The following HERC2 variants were observed in gnomAD, a reference collection of about 807,000 sequenced individuals.
HERC2 encodes the protein E3 ubiquitin-protein ligase HERC2.
In HERC2, 102 loss-of-function variants were observed where a neutral mutation model predicts 537.7. The ratio of observed to expected loss-of-function variants is 0.19; its 90% CI spans 0.16 to 0.22. The LOEUF (loss-of-function observed/expected upper bound fraction) is 0.22. Ranked by LOEUF, HERC2 falls within the 10% of genes least tolerant of loss-of-function variation. HERC2 has a pLI of 1.00. For missense variants in HERC2, 4,236 were observed against 6,198.2 expected, an observed-to-expected ratio of 0.68 and a Z score of 10.63; for synonymous variants, 2,224 against 2,466.2, an observed-to-expected ratio of 0.90 and a Z score of 2.91.
rs1420247523 is a variant in HERC2 at position 28,176,345 on chromosome 15, CGGGTGAGCCTG to C, written c.9686+72_9686+82del. On this transcript the variant is annotated intron_variant, in intron 63 of 92. Transcript: ENST00000261609. This position sits in a 1 kb window ranked among gnomAD's most constrained non-coding sequence, Gnocchi z 5.0. ...AAAAGAGGACACGTCACAATCACGC[CGGGTGAGCCTG>C]GGGCGAGGCCCAGGTTCCCTGCACA... The C allele has an allele frequency of 3.8e-6, 5 of 1,302,414 alleles. No individual in the cohort carries two copies. Among genetic ancestry groups the C allele is most frequent in the Non-Finnish European group, 4.4e-6 (4 of 917,596 alleles). The allele number at this position is 1,302,414 out of a possible 1,614,324, so 80.7% of individuals were successfully genotyped here. A position where few individuals can be genotyped will look rare whatever the true frequency, so the allele number is the denominator to read the frequency against.
intron 84 of HERC2, among the ~76,000 whole-genome samples, chr15:28,124,693 G>A (rs1470476277): frequency 6.6e-6 from 1 of 152,116 alleles, no homozygotes; most frequent in African/African-American, 2.4e-5. Context: ...CCAGGTAGCT[G>A]GGACTACAGG....
intron 70 of HERC2, among the ~76,000 whole-genome samples, chr15:28,149,281 C>T (rs117505242): frequency 0.014 from 2,045 of 150,930 alleles, 66 homozygotes; most frequent in East Asian, 0.092. Context: ...GTAAAATTAC[C>T]GAAAAAACAC....
At chr15:28,206,584 T>A (rs1239921429) in intron 44 of HERC2, among the ~76,000 whole-genome samples, 8 of 151,718 alleles carry the variant, frequency 5.3e-5, no homozygotes, top group South Asian at 4.2e-4. Flanking sequence ...GTGTAATCCC[T>A]GCACTTCGGG....
At chr15:28,208,639 C>G (rs2140395264) in intron 44 of HERC2, among the ~76,000 whole-genome samples, 1 of 152,286 alleles carries the variant, frequency 6.6e-6, no homozygotes, top group Middle Eastern at 3.4e-3. Context: ...AGCCCCACCA[C>G]TCATCGACAA....
intron 55 of HERC2, among the ~76,000 whole-genome samples, chr15:28,189,678 A>T (rs1033588027): frequency 6.6e-6 from 1 of 152,212 alleles, no homozygotes; most frequent in African/African-American, 2.4e-5. Context: ...AAATGTTCTC[A>T]CCACAAAAAA....
intron 88 of HERC2, 104 bp downstream of exon 88, chr15:28,116,561 G>T: frequency 1.7e-6 from 2 of 1,171,510 alleles, no homozygotes; most frequent in Non-Finnish European, 2.4e-6. Flanking sequence ...ACTAAAAGCA[G>T]ATATTCAAGA....
At chr15:28,217,609 A>C (rs1448827851) in intron 38 of HERC2, among the ~76,000 whole-genome samples, 3 of 152,214 alleles carry the variant, frequency 2.0e-5, no homozygotes, top group Admixed American at 6.5e-5. Context: ...TTTATGGATT[A>C]AACTGTGCCT....
In HERC2 at chr15:28,268,605, C is replaced by T. The variant is rs184405901; in HGVS notation, c.1458G>A (p.Leu486=). 5 of 1,613,998 alleles carry T rather than the reference C, an allele frequency of 3.1e-6. No individual in the cohort carries two copies. The Admixed American group carries it at 8.3e-5, about 27-fold the overall frequency. The change falls in exon 12 of 93, where the codon CTG becomes CTA. Residue 486 remains leucine, a synonymous_variant. Coordinates refer to ENST00000261609, the MANE Select transcript of HERC2 (RefSeq NM_004667.6). The surrounding 1 kb of genome is among the most constrained non-coding windows in gnomAD (Gnocchi z 4.7). The part of the protein sequence containing the change: ...AYNSDTLAPQ[L]VQGLASRNIV... Reference sequence around the variant, plus strand: ...TGTTTCTGGAGGCAAGGCCTTGGACCAGCTGTGGGGCCTAAAGAAGGAAAA... The same window carrying T: ...TGTTTCTGGAGGCAAGGCCTTGGACTAGCTGTGGGGCCTAAAGAAGGAAAA...
chr15:28,308,087 A>G (rs191271844), intron 2 of HERC2, among the ~76,000 whole-genome samples: 1 of 152,006 alleles, frequency 6.6e-6, no homozygotes, highest in East Asian at 1.9e-4. Flanking sequence ...TGTTTCTGTG[A>G]AGAATGTCAT....
At chr15:28,135,942 TG>T in intron 78 of HERC2, among the ~76,000 whole-genome samples, 1 of 152,192 alleles carries the variant, frequency 6.6e-6, no homozygotes, top group East Asian at 1.9e-4. Context: ...GTCTTCTTGC[TG>T]GAAGCTCTTC....
At chr15:28,131,400 G>A (rs1457305511) in intron 81 of HERC2, among the ~76,000 whole-genome samples, 5 of 152,176 alleles carry the variant, frequency 3.3e-5, no homozygotes, top group Non-Finnish European at 5.9e-5. Context: ...AGGCCAGGCA[G>A]AGACAGGTTC....
chr15:28,212,219 C>T (rs1456209351), intron 43 of HERC2, among the ~76,000 whole-genome samples: 1 of 152,194 alleles, frequency 6.6e-6, no homozygotes, highest in African/African-American at 2.4e-5. Flanking sequence ...GGGTGTGAGC[C>T]ATGGGGTTCT....
intron 82 of HERC2, 90 bp downstream of exon 82, chr15:28,130,413 G>C (rs775202963): frequency 7.6e-6 from 12 of 1,586,494 alleles, no homozygotes; most frequent in Middle Eastern, 1.7e-4. Context: ...GCCTGCTGCA[G>C]AAGCTACATT....
In HERC2 at chr15:28,260,787, C is replaced by CTGTGGGTG; in HGVS notation, c.2305_2306insCACCCACA (p.Gly769AlafsTer32). The CTGTGGGTG allele has an allele frequency of 6.2e-7, 1 of 1,614,052 alleles. No individual in the cohort carries two copies. The highest frequency in any genetic ancestry group is 8.5e-7 in the Non-Finnish European group (1 of 1,179,930). On this transcript the variant is annotated frameshift_variant, in exon 16 of 93. Coordinates refer to ENST00000261609, the MANE Select transcript of HERC2 (RefSeq NM_004667.6). LOFTEE classifies it high-confidence loss of function. ...CTCTATATTCAGTACCTGGGCAGGC[C>CTGTGGGTG]CACAGGCAATTCCCACTATGTGTTT...
intron 79 of HERC2, among the ~76,000 whole-genome samples, chr15:28,134,133 T>A (rs1453526313): frequency 4.6e-5 from 7 of 152,372 alleles, no homozygotes; most frequent in South Asian, 4.1e-4. Flanking sequence ...TTAGGTTTTT[T>A]AAAAATTATC....
In HERC2 at chr15:28,126,826, A is replaced by G. The variant is rs138196137; in HGVS notation, c.12803-1633T>C. ...TCACCTCTAAAGAGCTTATTCATGT[A>G]ACCAAACACCACCTGTTCGCCAAAA... On this transcript the variant is annotated intron_variant, in intron 83 of 92. Transcript: ENST00000261609. 2.2e-3 allele frequency among the ~76,000 whole-genome samples: 337 copies of G among 152,314 alleles called. 1 individual carries two copies. The highest frequency in any genetic ancestry group is 7.7e-3 in the African/African-American group (319 of 41,556).
chr15:28,137,997 G>C (rs1890821670), intron 78 of HERC2, among the ~76,000 whole-genome samples: 1 of 152,222 alleles, frequency 6.6e-6, no homozygotes. Flanking sequence ...GTTTGGCATA[G>C]ACAGAAGATC....
chr15:28,163,171 C>T lies in HERC2; in HGVS notation c.10669G>A (p.Val3557Met). 1.2e-6 allele frequency: 2 copies of T among 1,613,692 alleles called. No individual in the cohort carries two copies. Among genetic ancestry groups the T allele is most frequent in the Non-Finnish European group, 1.7e-6 (2 of 1,180,034 alleles). ...CCCCTGTCCCCGGCCCGGCTGCACA[C>T]TGACAGCTTGAGCAGGTCTACCACC... Reference protein sequence around the residue: ...RVVVDLLKLSVCSRAGDRGRD... With the variant: ...RVVVDLLKLSMCSRAGDRGRD... The change falls in exon 69 of 93, where the codon GTG (valine) becomes ATG (methionine). Residue 3557 changes from valine to methionine, a missense_variant. Around this residue, in one of 27 missense-constraint regions of HERC2, gnomAD observed 356 missense variants for 450.9 expected, o/e 0.79. Transcript: ENST00000261609.
intron 2 of HERC2, among the ~76,000 whole-genome samples, chr15:28,316,933 C>T (rs2077104014): frequency 6.6e-6 from 1 of 151,810 alleles, no homozygotes; most frequent in Non-Finnish European, 1.5e-5. Context: ...CGTGCCACCA[C>T]ACCCAGCTAA....
Sources: gnomAD v4.1 joint callset for allele counts (sites outside exome capture counted in the v4.1 genomes callset) on GRCh38, gnomAD v4.1.1 for gene constraint, gnomAD v4.1.1 regional missense constraint, Gnocchi (gnomAD v3.1) non-coding constraint, MANE v1.5 for transcripts, NCBI Gene and HGNC (gene_info 2026-07-23, HGNC 2026-07-21) for gene names.